Variants in TNPO1 observed in about 807,000 individuals in gnomAD.
The protein encoded by TNPO1 is transportin-1.
In TNPO1, 8 loss-of-function variants were observed where a neutral mutation model predicts 119.5. The observed-to-expected ratio is 0.07, with a 90% CI of 0.04 to 0.12. TNPO1 has a LOEUF of 0.12. TNPO1 is among the 10% of genes least tolerant of loss of function. The pLI, the probability that TNPO1 is intolerant of heterozygous loss-of-function variation, is 1.00. For synonymous variants in TNPO1, 362 were observed against 363.0 expected (o/e 1.00, Z 0.03); for missense variants, 576 against 1,089.8 (o/e 0.53, Z 6.64).
intron 1 of TNPO1, among the ~76,000 whole-genome samples, chr5:72,846,971 T>A (rs1745158111): frequency 6.6e-6 from 1 of 152,082 alleles, no homozygotes; most frequent in East Asian, 1.9e-4. Flanking sequence ...TAAAAACACA[T>A]AGAATGAAGA....
intron 1 of TNPO1, among the ~76,000 whole-genome samples, chr5:72,818,788 GA>G (rs35014433): frequency 0.48 from 72,741 of 151,944 alleles, 18,319 homozygotes; most frequent in Admixed American, 0.6. Flanking sequence ...AAAGCTGAGA[GA>G]ATCAAAGAAA....
At position 72,913,296 on chromosome 5, in the gene TNPO1, T is replaced by C. The variant is rs1317445664; in HGVS notation, c.*4623T>C. 3 of 152,538 alleles carry C rather than the reference T, an allele frequency of 2.0e-5. No homozygotes were observed. 9.4% of individuals were successfully genotyped at this position (152,538 alleles called of 1,614,324 possible). On this transcript the variant is annotated 3_prime_UTR_variant, in exon 25 of 25. Transcript: ENST00000337273. ...TTCCAAGTGAATTGTGACTAATTTT[T>C]TCAATCTTACATAGATCTTTCACCC...
In TNPO1 at chr5:72,872,653, C is replaced by G; in HGVS notation, c.611C>G (p.Ala204Gly). The change falls in exon 7 of 25, where the codon GCA becomes GGA. Residue 204 changes from alanine to glycine, a missense_variant. Physicochemically the swap from Ala to Gly is moderately conservative, Grantham distance 60 (BLOSUM62 0). Coordinates refer to ENST00000337273, the MANE Select transcript of TNPO1 (RefSeq NM_002270.4). ...TTTGTTTCTAGGTCTCACGCTGTTG[C>G]ATGTGTCAATCAGTTTATCATCAGT... ...SSPKIRSHAV[A>G]CVNQFIISRT... The G allele has an allele frequency of 1.9e-6, 3 of 1,610,288 alleles. No individual in the cohort carries two copies. Among genetic ancestry groups the G allele is most frequent in the Non-Finnish European group, 2.5e-6 (3 of 1,178,080 alleles).
intron 5 of TNPO1, among the ~76,000 whole-genome samples, chr5:72,864,901 A>G (rs1191831791): frequency 2.0e-5 from 3 of 151,830 alleles, no homozygotes; most frequent in Admixed American, 2.0e-4. Context: ...GAGCCACCAC[A>G]CCTGGCCTAA....
Position 72,905,420 on chromosome 5 carries a change from C to T in TNPO1, c.*10C>T, listed in dbSNP as rs1471697151. The T allele has an allele frequency of 1.1e-5, 17 of 1,572,164 alleles. No homozygotes were observed. The highest frequency in any genetic ancestry group is 1.4e-5 in the Non-Finnish European group (16 of 1,158,322). On this transcript the variant is annotated 3_prime_UTR_variant, in exon 24 of 25. Coordinates refer to ENST00000337273, the MANE Select transcript of TNPO1 (RefSeq NM_002270.4). ...TTTTTATGGTGTTTAATCTAATACACTTAAGCTGCAGTCCCAAAATTAGGG... is the reference window on the plus strand; with the variant it reads ...TTTTTATGGTGTTTAATCTAATACATTTAAGCTGCAGTCCCAAAATTAGGG...
Position 72,905,523 on chromosome 5 carries a change from AT to A in TNPO1, c.*35+79del, listed in dbSNP as rs141262489. ...CTGTCATTTCAAACTACTAAATAGAATAAAAAGCTATTTGTTTTCTATAGAG... is the reference window on the plus strand; with the variant it reads ...CTGTCATTTCAAACTACTAAATAGAAAAAAAGCTATTTGTTTTCTATAGAG... On this transcript the variant is annotated intron_variant, in intron 24 of 24. Transcript: ENST00000337273. 957 of 630,932 alleles carry A rather than the reference AT, an allele frequency of 1.5e-3. 5 individuals are homozygous for A. The African/African-American group carries it at 0.015, about 10-fold the overall frequency. 39.1% of individuals were successfully genotyped at this position (630,932 alleles called of 1,614,324 possible). A position where few individuals can be genotyped will look rare whatever the true frequency, so the allele number is the denominator to read the frequency against.
intron 1 of TNPO1, among the ~76,000 whole-genome samples, chr5:72,824,948 C>G (rs775009987): frequency 3.3e-5 from 5 of 152,234 alleles, no homozygotes; most frequent in Non-Finnish European, 5.9e-5. Flanking sequence ...TCTCCCATTT[C>G]TGTCAGTGGC....
intron 1 of TNPO1, among the ~76,000 whole-genome samples, chr5:72,831,314 T>C (rs1744450192): frequency 6.6e-6 from 1 of 151,992 alleles, no homozygotes. Context: ...TTAGTTCTTC[T>C]AGTTCAACAT....
intron 9 of TNPO1, among the ~76,000 whole-genome samples, chr5:72,879,626 T>C (rs1240881688): frequency 6.6e-6 from 1 of 152,140 alleles, no homozygotes; most frequent in African/African-American, 2.4e-5. Context: ...TCCCAAAACT[T>C]TGGGATTACA....
At chr5:72,863,962 AG>A (rs1416985310) in intron 5 of TNPO1, among the ~76,000 whole-genome samples, 2 of 152,204 alleles carry the variant, frequency 1.3e-5, no homozygotes, top group Admixed American at 1.3e-4. Context: ...ACTACATAGA[AG>A]TCATACTGTA....
intron 14 of TNPO1, 21 bp downstream of exon 14, chr5:72,889,978 A>G: frequency 6.2e-7 from 1 of 1,605,490 alleles, no homozygotes; most frequent in Non-Finnish European, 8.5e-7. Context: ...GTTAAGAACT[A>G]TTAGGGAAAA....
chr5:72,868,777 G>T (rs892828064), intron 6 of TNPO1, among the ~76,000 whole-genome samples: 1 of 151,922 alleles, frequency 6.6e-6, no homozygotes, highest in African/African-American at 2.4e-5. Flanking sequence ...TAGGCTGGGC[G>T]CGGTGGATCA....
At chr5:72,882,611 T>C in intron 10 of TNPO1, 84 bp downstream of exon 10, 1 of 912,080 alleles carries the variant, frequency 1.1e-6, no homozygotes, top group Non-Finnish European at 1.7e-6. Flanking sequence ...AAAACATTCA[T>C]TGAGAATAGA....
At chr5:72,842,893 A>G (rs1052809052) in intron 1 of TNPO1, among the ~76,000 whole-genome samples, 16 of 152,184 alleles carry the variant, frequency 1.1e-4, no homozygotes, top group African/African-American at 3.1e-4. Flanking sequence ...AACATCATCT[A>G]TGAGGTCCTC....
chr5:72,855,185 G>A (rs1180289465), intron 3 of TNPO1, among the ~76,000 whole-genome samples: 1 of 151,746 alleles, frequency 6.6e-6, no homozygotes, highest in African/African-American at 2.4e-5. Flanking sequence ...TAGTAGATAC[G>A]GGGTTTCACC....
chr5:72,832,424 G>T (rs1362377980), intron 1 of TNPO1, among the ~76,000 whole-genome samples: 1 of 152,058 alleles, frequency 6.6e-6, no homozygotes, highest in Non-Finnish European at 1.5e-5. Flanking sequence ...TCCCAGAAAA[G>T]TTACTAATAT....
intron 15 of TNPO1, 35 bp from the exon 16 acceptor site, chr5:72,893,104 C>T: frequency 1.3e-6 from 2 of 1,520,750 alleles, no homozygotes; most frequent in Non-Finnish European, 1.8e-6. Context: ...TCAGTATACC[C>T]AGAAAGTTTA....
chr5:72,892,950 C>T (rs1749170525), intron 15 of TNPO1, among the ~76,000 whole-genome samples, 189 bp from the exon 16 acceptor site: 1 of 132,804 alleles, frequency 7.5e-6, no homozygotes, highest in Non-Finnish European at 1.5e-5. Flanking sequence ...ACCTGATTGG[C>T]TGGCAAACTA....
At chr5:72,851,760 C>A (rs988088387) in intron 3 of TNPO1, among the ~76,000 whole-genome samples, 1 of 152,204 alleles carries the variant, frequency 6.6e-6, no homozygotes, top group Non-Finnish European at 1.5e-5. Flanking sequence ...TCCCAAAGTG[C>A]TCGGATTGCA....
Sources: allele counts gnomAD v4.1 joint callset (sites outside exome capture counted in the v4.1 genomes callset), GRCh38; gene constraint gnomAD v4.1.1; transcripts MANE v1.5; gene names NCBI Gene and HGNC (gene_info 2026-07-23, HGNC 2026-07-21).